Variants in EEFSEC observed in about 807,000 individuals in gnomAD.
EEFSEC encodes the protein eukaryotic elongation factor, selenocysteine-tRNA specific, also known as selenocysteine-specific elongation factor.
Under a neutral mutation model 42.1 loss-of-function variants are expected in EEFSEC, and 43 were observed. That is an observed-to-expected ratio of 1.02 (90% confidence interval 0.80 to 1.32). The LOEUF (loss-of-function observed/expected upper bound fraction) is 1.32. Ranked by LOEUF, EEFSEC falls within the 40% of genes most tolerant of loss-of-function variation. The pLI is 0.00. For synonymous variants in EEFSEC, 354 were observed against 339.1 expected, an observed-to-expected ratio of 1.04 and a Z score of -0.48; for missense variants, 745 against 803.6, an observed-to-expected ratio of 0.93 and a Z score of 0.88.
At chr3:128,310,623 T>G (rs958214978) in intron 4 of EEFSEC, among the ~76,000 whole-genome samples, 1 of 152,258 alleles carries the variant, frequency 6.6e-6, no homozygotes, top group African/African-American at 2.4e-5. Flanking sequence ...GACTGTATCA[T>G]GACCCAATGC....
At chr3:128,196,379 A>G (rs2065585052) in intron 1 of EEFSEC, among the ~76,000 whole-genome samples, 1 of 152,192 alleles carries the variant, frequency 6.6e-6, no homozygotes, top group Non-Finnish European at 1.5e-5. Context: ...GTATCATGGG[A>G]TGTGTGCTGT....
chr3:128,207,505 A>G (rs2065710249), intron 1 of EEFSEC, among the ~76,000 whole-genome samples: 1 of 151,540 alleles, frequency 6.6e-6, no homozygotes, highest in South Asian at 2.1e-4. Context: ...GAGATCTGCA[A>G]AATTGGGTCA....
chr3:128,210,237 A>G (rs1377215236), intron 1 of EEFSEC, among the ~76,000 whole-genome samples: 1 of 152,242 alleles, frequency 6.6e-6, no homozygotes, highest in African/African-American at 2.4e-5. Context: ...GGTCCCAGAA[A>G]TGACTTGGCT....
chr3:128,420,679 A>T, the EEFSEC span, among the ~76,000 whole-genome samples: 1 of 152,214 alleles, frequency 6.6e-6, no homozygotes, highest in South Asian at 2.1e-4. Context: ...TCTGATATGC[A>T]GAGCCCCAGT....
intron 1 of EEFSEC, among the ~76,000 whole-genome samples, chr3:128,218,330 C>G (rs553226559): frequency 6.6e-6 from 1 of 152,298 alleles, no homozygotes; most frequent in East Asian, 1.9e-4. Context: ...TACTTTCAGC[C>G]TTTCTTTCTT....
chr3:128,222,060 A>C (rs1279707216), intron 1 of EEFSEC, among the ~76,000 whole-genome samples: 4 of 136,090 alleles, frequency 2.9e-5, no homozygotes, highest in Non-Finnish European at 6.2e-5. Context: ...TTGAGACAGA[A>C]TCTCACTCTG....
intron 4 of EEFSEC, among the ~76,000 whole-genome samples, chr3:128,289,444 A>C (rs1318102197): frequency 6.6e-6 from 1 of 152,226 alleles, no homozygotes; most frequent in East Asian, 1.9e-4. Context: ...GGGAAGCAGC[A>C]CATGGGAAGA....
At chr3:128,192,305 C>G (rs1489417658) in intron 1 of EEFSEC, among the ~76,000 whole-genome samples, 5 of 152,194 alleles carry the variant, frequency 3.3e-5, no homozygotes, top group Non-Finnish European at 4.4e-5. Flanking sequence ...TGTGAGAAGC[C>G]TGCTGGTTCT....
chr3:128,170,282 G>C (rs899313125), intron 1 of EEFSEC, among the ~76,000 whole-genome samples: 1 of 152,170 alleles, frequency 6.6e-6, no homozygotes, highest in Non-Finnish European at 1.5e-5. Context: ...CTTTCTTGAG[G>C]CTGGGCACGG....
At chr3:128,421,119 C>G in the EEFSEC span, among the ~76,000 whole-genome samples, 2 of 152,084 alleles carry the variant, frequency 1.3e-5, no homozygotes, top group Non-Finnish European at 2.9e-5. Context: ...ACCTTGTCCC[C>G]GGGGCCTTGT....
At chr3:128,401,547 G>T (rs1479413452) in intron 6 of EEFSEC, among the ~76,000 whole-genome samples, 1 of 152,202 alleles carries the variant, frequency 6.6e-6, no homozygotes, top group Admixed American at 6.5e-5. Flanking sequence ...TGTGAGCATG[G>T]CAGGCAGAGG....
chr3:128,179,371 T>G (rs989579746), intron 1 of EEFSEC, among the ~76,000 whole-genome samples: 2 of 152,154 alleles, frequency 1.3e-5, no homozygotes, highest in Admixed American at 6.5e-5. Context: ...ATGCCTTAGG[T>G]CAGTTCAGCT....
intron 2 of EEFSEC, among the ~76,000 whole-genome samples, 156 bp from the exon 3 acceptor site, chr3:128,261,972 G>A (rs1273482684): frequency 6.6e-6 from 1 of 152,174 alleles, no homozygotes; most frequent in African/African-American, 2.4e-5. Flanking sequence ...CATGTGCCAT[G>A]TGCTAGTACA....
At chr3:128,208,286 A>G (rs1198436196) in intron 1 of EEFSEC, among the ~76,000 whole-genome samples, 2 of 152,196 alleles carry the variant, frequency 1.3e-5, no homozygotes, top group Non-Finnish European at 2.9e-5. Context: ...TCACTCTAAC[A>G]GGCACCCAAG....
downstream of EEFSEC, among the ~76,000 whole-genome samples, chr3:128,411,065 CCCGGCA>C (rs2068170400): frequency 6.6e-6 from 1 of 152,212 alleles, no homozygotes; most frequent in Admixed American, 6.5e-5. Context: ...CTCTATCAGG[CCCGGCA>C]TCGGTGGAAA....
At chr3:128,390,216 G>C (rs1055998746) in intron 6 of EEFSEC, among the ~76,000 whole-genome samples, 16 of 152,208 alleles carry the variant, frequency 1.1e-4, no homozygotes, top group Non-Finnish European at 2.4e-4. Flanking sequence ...GGGACTTGGG[G>C]TCACTCAGTG....
chr3:128,210,978 G>C (rs1033851978), intron 1 of EEFSEC, among the ~76,000 whole-genome samples: 2 of 152,194 alleles, frequency 1.3e-5, no homozygotes, highest in Non-Finnish European at 2.9e-5. Flanking sequence ...GCCTTGAAAG[G>C]AGTAGTGGGA....
intron 4 of EEFSEC, among the ~76,000 whole-genome samples, chr3:128,312,025 A>C (rs1040535422): frequency 1.3e-5 from 2 of 152,178 alleles, no homozygotes; most frequent in African/African-American, 4.8e-5. Context: ...GTCAGTGCTC[A>C]TCAATGCTGA....
intron 6 of EEFSEC, among the ~76,000 whole-genome samples, chr3:128,401,013 G>A (rs746143888): frequency 6.6e-6 from 1 of 152,202 alleles, no homozygotes; most frequent in Non-Finnish European, 1.5e-5. Context: ...GGTTCATCAG[G>A]GGGTGGAGCA....
Sources: gnomAD v4.1 joint callset for allele counts (sites outside exome capture counted in the v4.1 genomes callset) on GRCh38, gnomAD v4.1.1 for gene constraint, MANE v1.5 for transcripts, NCBI Gene and HGNC (gene_info 2026-07-23, HGNC 2026-07-21) for gene names.